Variants in PARP6 observed in about 807,000 individuals in gnomAD.
PARP6 encodes the protein poly(ADP-ribose) polymerase family member 6.
Under a neutral mutation model 92.0 loss-of-function variants are expected in PARP6, and 27 were observed. The ratio of observed to expected loss-of-function variants is 0.29; its 90% confidence interval spans 0.22 to 0.40. The LOEUF (loss-of-function observed/expected upper bound fraction) is 0.40. Among genes scored for constraint, PARP6 ranks in the 10% least tolerant of loss-of-function variants. The pLI is 1.00. For missense variants in PARP6, 501 were observed against 784.5 expected, an observed-to-expected ratio of 0.64 and a Z score of 4.32; for synonymous variants, 272 against 281.2, an observed-to-expected ratio of 0.97 and a Z score of 0.33.
At chr15:72,272,026 C>T (rs2087511815) in intron 1 of PARP6, among the ~76,000 whole-genome samples, 2 of 152,292 alleles carry the variant, frequency 1.3e-5, no homozygotes, top group East Asian at 3.9e-4. Context: ...GAGGAGGTTA[C>T]TCCACTCCAT....
Position 72,265,161 on chromosome 15 carries a change from G to T in PARP6, c.248C>A (p.Ser83Tyr). 1 of 1,610,942 alleles carries T rather than the reference G, an allele frequency of 6.2e-7. No individual in the cohort carries two copies. The highest frequency in any genetic ancestry group is 1.3e-5 in the African/African-American group (1 of 74,986). The change falls in exon 7 of 24, where the codon TCT becomes TAT. Residue 83 changes from serine to tyrosine, a missense_variant. Physicochemically the swap from Ser to Tyr is moderately radical, Grantham distance 144. Around this residue, in one of 4 missense-constraint regions of PARP6, gnomAD observed 291 missense variants for 352.0 expected, o/e 0.83. Transcript: ENST00000569795. ...TGTCCGGAGGACCTTCCAGGCTGTA[G>T]AGACTTCCTCCTAAAAGAAGAAGGG... The part of the protein sequence containing the change: ...INISFLDEEV[S>Y]TAWKVLRTEP...
At chr15:72,250,563 T>C (rs2084210342) in intron 18 of PARP6, 6 of 400,832 alleles carry the variant, frequency 1.5e-5, no homozygotes, top group Non-Finnish European at 2.7e-5. Context: ...GATTTTTCCA[T>C]CAAAGTAGCT....
intron 11 of PARP6, among the ~76,000 whole-genome samples, chr15:72,258,356 T>TC (rs1449827035): frequency 1.3e-5 from 2 of 152,220 alleles, no homozygotes; most frequent in Admixed American, 6.5e-5. Context: ...AGACCTGGGT[T>TC]AACACTGTAC....
intron 10 of PARP6, 31 bp downstream of exon 10, chr15:72,260,447 A>G: frequency 6.4e-7 from 1 of 1,568,432 alleles, no homozygotes; most frequent in Non-Finnish European, 8.8e-7. Context: ...CCCTCCTGAT[A>G]GCCAAGTCAA....
chr15:72,253,525 C>A (rs190199429), intron 15 of PARP6, 21 bp from the exon 16 acceptor site: 2 of 1,602,642 alleles, frequency 1.2e-6, no homozygotes, highest in African/African-American at 1.3e-5. Context: ...ATGGCCATAA[C>A]GTTATCTCCT....
chr15:72,257,338 TC>T lies in PARP6; in HGVS notation c.999+9del. 1 of 1,600,338 alleles carries T rather than the reference TC, an allele frequency of 6.2e-7. No individual in the cohort carries two copies. Among genetic ancestry groups the T allele is most frequent in the Non-Finnish European group, 8.6e-7 (1 of 1,167,724 alleles). On this transcript the variant is annotated intron_variant, in intron 13 of 23. Transcript: ENST00000569795. ...TCCCAATTCCCCAGCCACGTTTCCCTCCCCCATACCTCTGCTCCAGTGGCCA... is the reference window on the plus strand; with the variant it reads ...TCCCAATTCCCCAGCCACGTTTCCCTCCCCATACCTCTGCTCCAGTGGCCA...
At chr15:72,267,394 T>G in intron 3 of PARP6, 81 bp downstream of exon 3, 4 of 1,485,774 alleles carry the variant, frequency 2.7e-6, no homozygotes, top group Non-Finnish European at 3.8e-6. Context: ...GAAGGGAAAA[T>G]ACCAAGAAAG....
At chr15:72,252,259 T>A (rs2084459614) in intron 16 of PARP6, among the ~76,000 whole-genome samples, 1 of 152,126 alleles carries the variant, frequency 6.6e-6, no homozygotes, top group Admixed American at 6.5e-5. Context: ...CAAAGAAAAC[T>A]TAGTTGAAAT....
chr15:72,252,088 T>C (rs533858116), intron 16 of PARP6, among the ~76,000 whole-genome samples: 6 of 152,098 alleles, frequency 3.9e-5, no homozygotes, highest in African/African-American at 1.4e-4. Context: ...AGGAAAACAA[T>C]AGAAATTGAG....
At chr15:72,267,364 C>T (rs1250402731) in intron 3 of PARP6, 111 bp downstream of exon 3, 3 of 1,197,084 alleles carry the variant, frequency 2.5e-6, no homozygotes, top group African/African-American at 3.0e-5. Flanking sequence ...CAAATAGCCA[C>T]TCTATCTTCC....
Position 72,260,552 on chromosome 15 carries a change from G to A in PARP6, c.682C>T (p.Pro228Ser), listed in dbSNP as rs768057725. ...AGGAGACCTGCCTGGGGGCTGGGAG[G>A]GTAGCCAAACACTTCCACTTTGGGG... ...KNPKVEVFGY[P>S]PSPQAGLLCP... The change falls in exon 10 of 24, where the codon CCT (proline) becomes TCT (serine). Residue 228 changes from proline to serine, a missense_variant. Physicochemically the swap from Pro to Ser is moderately conservative, Grantham distance 74. This residue lies in a region of PARP6 where 291 missense variants were observed against 352.0 expected (regional missense o/e 0.83). Coordinates refer to ENST00000569795, the MANE Select transcript of PARP6 (RefSeq NM_001323532.2). 2.5e-6 allele frequency: 4 copies of A among 1,614,046 alleles called. No individual in the cohort carries two copies. The South Asian group carries it at 3.3e-5, about 13-fold the overall frequency.
At chr15:72,259,490 T>C in intron 11 of PARP6, 118 bp downstream of exon 11, 1 of 772,826 alleles carries the variant, frequency 1.3e-6, no homozygotes, top group East Asian at 2.5e-5. Context: ...CTTCTACCAT[T>C]AGTTCTGGAA....
At chr15:72,244,015 G>A (rs1438086066) in intron 20 of PARP6, 2 of 152,156 alleles carry the variant, frequency 1.3e-5, no homozygotes, top group Non-Finnish European at 2.9e-5. Flanking sequence ...TTTAGGTAGG[G>A]CCTGAACAAA....
intron 18 of PARP6, chr15:72,250,309 T>C: frequency 4.1e-6 from 2 of 488,440 alleles, no homozygotes; most frequent in Non-Finnish European, 7.5e-6. Context: ...CTCTCTTCGG[T>C]GCTTCAGCTA....
Position 72,241,423 on chromosome 15 carries a change from G to C in PARP6, c.*32C>G, listed in dbSNP as rs757614123. 3 of 1,454,786 alleles carry C rather than the reference G, an allele frequency of 2.1e-6. No homozygotes were observed. The African/African-American group carries it at 4.2e-5, about 20-fold the overall frequency. 90.1% of individuals were successfully genotyped at this position (1,454,786 alleles called of 1,614,324 possible). On this transcript the variant is annotated 3_prime_UTR_variant, in exon 24 of 24. Transcript: ENST00000569795. The surrounding 1 kb of genome is among the most constrained non-coding windows in gnomAD (Gnocchi z 4.1). The stretch of plus-strand genomic sequence containing the variant: ...TTTATGAGGGCAGATGGATCCTGGG[G>C]TAACAGGGGTGGTACGAGGGCTGGG...
In PARP6 at chr15:72,242,856, A is replaced by G; in HGVS notation, c.1562-157T>C. On this transcript the variant is annotated intron_variant, in intron 20 of 23. Coordinates refer to ENST00000569795, the MANE Select transcript of PARP6 (RefSeq NM_001323532.2). This position sits in a 1 kb window ranked among gnomAD's most constrained non-coding sequence, Gnocchi z 4.3. ...TTTAGTCTGCTGGAAATTACAAGCA[A>G]GAACAAGTAATTAACAACACAGCAT... is the stretch of plus-strand genomic sequence containing the variant. 1 of 600,498 alleles carries G rather than the reference A, an allele frequency of 1.7e-6. No individual in the cohort carries two copies. The allele number at this position is 600,498 out of a possible 1,614,324, so 37.2% of individuals were successfully genotyped here.
Position 72,241,924 on chromosome 15 carries a change from A to G in PARP6, c.1767T>C (p.His589=), listed in dbSNP as rs771846731. ...ACACAAAGAAGAATCTTGTGCAGAC[A>G]TGGTCGGACACAGGGCACACCCAGA... ...GNIWVCPVSD[H]VCTRFFFVYE... Residue 589 remains histidine (H), a synonymous_variant, in exon 23 of 24, where the codon CAT becomes CAC. Transcript: ENST00000569795. The surrounding 1 kb of genome is among the most constrained non-coding windows in gnomAD (Gnocchi z 4.1). 22 of 1,613,504 alleles carry G rather than the reference A, an allele frequency of 1.4e-5. No individual in the cohort carries two copies. Among genetic ancestry groups the G allele is most frequent in the Non-Finnish European group, 1.8e-5 (21 of 1,179,434 alleles).
chr15:72,243,974 T>C (rs1294610370), intron 20 of PARP6: 1 of 152,234 alleles, frequency 6.6e-6, no homozygotes, highest in Non-Finnish European at 1.5e-5. Flanking sequence ...TGTCAATTCA[T>C]CATGCATTTA....
In PARP6 at chr15:72,266,833, G is replaced by GA. The variant is rs1242588464; in HGVS notation, c.4-12dup. On this transcript the variant is annotated splice_polypyrimidine_tract_variant and intron_variant, in intron 3 of 23. Coordinates refer to ENST00000569795, the MANE Select transcript of PARP6 (RefSeq NM_001323532.2). ...CTGGCCTTTGATGTCCTAGTGGTGA[G>GA]AAATAAGGATATCATGCTTTGTTAG... The GA allele has an allele frequency of 1.9e-6, 3 of 1,603,486 alleles. No homozygotes were observed. In the African/African-American group the frequency reaches 4.0e-5, roughly 21 times the overall value.
Sources: allele counts gnomAD v4.1 joint callset (sites outside exome capture counted in the v4.1 genomes callset), GRCh38; gene constraint gnomAD v4.1.1; regional missense constraint gnomAD v4.1.1; non-coding constraint Gnocchi (gnomAD v3.1); transcripts MANE v1.5; gene names NCBI Gene and HGNC (gene_info 2026-07-23, HGNC 2026-07-21).